Variants in DLC1 observed in about 807,000 individuals in gnomAD.
The protein encoded by DLC1 is rho GTPase-activating protein 7.
In DLC1, 54 loss-of-function variants were observed where a neutral mutation model predicts 140.3. The observed-to-expected ratio is 0.38, with a 90% CI of 0.31 to 0.48. The LOEUF is 0.48. DLC1 is among the 20% of genes least tolerant of loss of function. DLC1 has a pLI of 0.96. For synonymous variants in DLC1, 986 were observed against 728.1 expected (o/e 1.35, Z -5.70); for missense variants, 2,536 against 1,907.0 (o/e 1.33, Z -6.14).
At chr8:13,263,293 T>G (rs1352149855) in intron 5 of DLC1, among the ~76,000 whole-genome samples, 3 of 152,168 alleles carry the variant, frequency 2.0e-5, no homozygotes, top group Non-Finnish European at 4.4e-5. Context: ...GAATTACATT[T>G]TTTTCTTTTT....
At chr8:13,221,637 C>G in intron 5 of DLC1, among the ~76,000 whole-genome samples, 1 of 149,380 alleles carries the variant, frequency 6.7e-6, no homozygotes, top group South Asian at 2.1e-4. Context: ...TCCCAAAGTG[C>G]TGGGATTACG....
At chr8:13,379,303 C>T (rs1399823850) in intron 4 of DLC1, among the ~76,000 whole-genome samples, 2 of 152,184 alleles carry the variant, frequency 1.3e-5, no homozygotes, top group Non-Finnish European at 2.9e-5. Context: ...CACAACAGTG[C>T]AGATGCTCCT....
intron 5 of DLC1, among the ~76,000 whole-genome samples, chr8:13,264,515 T>G (rs1586032388): frequency 6.6e-6 from 1 of 152,148 alleles, no homozygotes; most frequent in African/African-American, 2.4e-5. Flanking sequence ...GACACTTAAA[T>G]GTGTAACGAG....
intron 5 of DLC1, among the ~76,000 whole-genome samples, chr8:13,128,488 C>T (rs190882379): frequency 6.6e-6 from 1 of 152,250 alleles, no homozygotes; most frequent in East Asian, 1.9e-4. Context: ...TATAAGGCTC[C>T]GTAAGGGCCA....
At chr8:13,133,935 A>G (rs1179059941) in intron 5 of DLC1, among the ~76,000 whole-genome samples, 1 of 152,124 alleles carries the variant, frequency 6.6e-6, no homozygotes, top group African/African-American at 2.4e-5. Flanking sequence ...GTAGGTGATA[A>G]ATACTGCCTT....
chr8:13,350,718 A>AAATAAATAAATAAATAAAT (rs1563274782), intron 4 of DLC1, among the ~76,000 whole-genome samples: 43 of 152,092 alleles, frequency 2.8e-4, no homozygotes, highest in African/African-American at 9.9e-4. Context: ...TCGATCTTAA[A>AAATAAATAAATAAATAAAT]AAATAAATAA....
At chr8:13,139,411 C>A (rs1156728366) in intron 5 of DLC1, among the ~76,000 whole-genome samples, 1 of 150,726 alleles carries the variant, frequency 6.6e-6, no homozygotes, top group Non-Finnish European at 1.5e-5. Flanking sequence ...CAACTATGAA[C>A]CAGCCCAGCA....
At position 13,083,641 on chromosome 8, in the gene DLC1, T is replaced by A. The variant is rs1051331576; in HGVS notation, c.*2170A>T. The A allele has an allele frequency of 6.5e-5, 10 of 152,744 alleles. No individual in the cohort carries two copies. The highest frequency in any genetic ancestry group is 2.4e-4 in the African/African-American group (10 of 41,572). The allele number at this position is 152,744 out of a possible 1,614,324, so 9.5% of individuals were successfully genotyped here. A position where few individuals can be genotyped will look rare whatever the true frequency, so the allele number is the denominator to read the frequency against. On this transcript the variant is annotated 3_prime_UTR_variant, in exon 18 of 18. Coordinates refer to ENST00000276297, the MANE Select transcript of DLC1 (RefSeq NM_182643.3). ...GTGACCCTGACTCTGCTTGCAAGCA[T>A]CTTTCTGCTGTTGCACGTTGTCGTC...
At chr8:13,431,537 T>A (rs113092266) in intron 2 of DLC1, among the ~76,000 whole-genome samples, 5 of 143,920 alleles carry the variant, frequency 3.5e-5, no homozygotes, top group African/African-American at 1.3e-4. Flanking sequence ...AGCATTGATG[T>A]CACAACTCTG....
chr8:13,522,977 T>C (rs917788711), intron 1 of DLC1, among the ~76,000 whole-genome samples: 3 of 152,034 alleles, frequency 2.0e-5, no homozygotes, highest in African/African-American at 7.2e-5. Flanking sequence ...TTAATGTGGC[T>C]AAAATGGAAG....
At chr8:13,144,791 C>A (rs1348894759) in intron 5 of DLC1, among the ~76,000 whole-genome samples, 1 of 152,048 alleles carries the variant, frequency 6.6e-6, no homozygotes, top group Non-Finnish European at 1.5e-5. Context: ...AAAATAAATT[C>A]TCTCTCATCC....
At chr8:13,225,819 G>C (rs1377918147) in intron 5 of DLC1, among the ~76,000 whole-genome samples, 2 of 152,004 alleles carry the variant, frequency 1.3e-5, no homozygotes, top group Admixed American at 1.3e-4. Flanking sequence ...GTTTCACCGT[G>C]TTAGTCAGGA....
intron 1 of DLC1, chr8:13,566,759 G>C: frequency 1.9e-6 from 1 of 538,636 alleles, no homozygotes; most frequent in Non-Finnish European, 3.1e-6. Context: ...AGCAGCGCAA[G>C]CGCAGTGGGC....
At chr8:13,500,238 T>C in intron 1 of DLC1, 42 bp from the exon 2 acceptor site, 2 of 584,038 alleles carry the variant, frequency 3.4e-6, no homozygotes, top group Non-Finnish European at 5.9e-6. Context: ...CAGATACGTT[T>C]CTAAAGTCAA....
intron 5 of DLC1, among the ~76,000 whole-genome samples, chr8:13,138,772 G>T (rs557955810): frequency 6.3e-4 from 96 of 152,220 alleles, no homozygotes; most frequent in African/African-American, 2.3e-3. Context: ...ACCCTACCTG[G>T]TATTTAGCCT....
At chr8:13,127,514 G>C (rs1821683191) in intron 5 of DLC1, among the ~76,000 whole-genome samples, 1 of 152,184 alleles carries the variant, frequency 6.6e-6, no homozygotes, top group Non-Finnish European at 1.5e-5. Context: ...TATGGAGATT[G>C]GATCCCTTAT....
intron 4 of DLC1, among the ~76,000 whole-genome samples, chr8:13,313,976 C>G (rs1192505950): frequency 6.6e-6 from 1 of 151,966 alleles, no homozygotes; most frequent in Non-Finnish European, 1.5e-5. Context: ...AGCAGACTCC[C>G]ATTTCTGTAC....
chr8:13,382,949 T>A (rs2117169588), intron 4 of DLC1, among the ~76,000 whole-genome samples: 1 of 152,260 alleles, frequency 6.6e-6, no homozygotes, highest in South Asian at 2.1e-4. Context: ...TGAGCCCTAA[T>A]AAGATACATA....
intron 2 of DLC1, among the ~76,000 whole-genome samples, chr8:13,444,517 A>G (rs1274422213): frequency 2.6e-5 from 4 of 152,198 alleles, no homozygotes; most frequent in Non-Finnish European, 4.4e-5. Flanking sequence ...GTTTTCAGTG[A>G]TCGAAGTGGC....
Sources: allele counts gnomAD v4.1 joint callset (sites outside exome capture counted in the v4.1 genomes callset), GRCh38; gene constraint gnomAD v4.1.1; transcripts MANE v1.5; gene names NCBI Gene and HGNC (gene_info 2026-07-23, HGNC 2026-07-21).